KLHL1: variants seen among roughly 807,000 people sequenced by gnomAD.
KLHL1 encodes the protein kelch like family member 1, also known as kelch-like protein 1.
Under a neutral mutation model 77.7 loss-of-function variants are expected in KLHL1, and 47 were observed. The ratio of observed to expected loss-of-function variants is 0.60; its 90% confidence interval spans 0.48 to 0.77. The LOEUF is 0.77. Ranked by LOEUF, KLHL1 falls within the 30% of genes least tolerant of loss-of-function variation. The probability of loss-of-function intolerance (pLI) is 0.00; values close to 1 mark genes in which losing one functional copy is unlikely to be tolerated. For missense variants in KLHL1, 925 were observed against 910.8 expected, an observed-to-expected ratio of 1.02 and a Z score of -0.20; for synonymous variants, 360 against 325.2, an observed-to-expected ratio of 1.11 and a Z score of -1.15.
At chr13:69,946,560 T>C (rs1883531644) in intron 3 of KLHL1, among the ~76,000 whole-genome samples, 1 of 152,162 alleles carries the variant, frequency 6.6e-6, no homozygotes, top group South Asian at 2.1e-4. Flanking sequence ...TCATCTGGGC[T>C]GAAGGGCAGT....
intron 6 of KLHL1, among the ~76,000 whole-genome samples, chr13:69,798,716 T>C (rs1459681228): frequency 6.6e-6 from 1 of 152,174 alleles, no homozygotes; most frequent in East Asian, 1.9e-4. Context: ...CAAAGTCATC[T>C]GGATTCTCAA....
At chr13:69,744,845 G>T (rs1874139298) in intron 7 of KLHL1, among the ~76,000 whole-genome samples, 1 of 151,990 alleles carries the variant, frequency 6.6e-6, no homozygotes, top group African/African-American at 2.4e-5. Context: ...TACAGTGTAT[G>T]ATTATGCCAC....
chr13:69,989,543 C>T (rs1328608034), intron 1 of KLHL1, among the ~76,000 whole-genome samples: 44 of 152,074 alleles, frequency 2.9e-4, no homozygotes, highest in Non-Finnish European at 4.4e-5. Flanking sequence ...CTATAAATTG[C>T]TTTGGGCAGT....
chr13:69,730,788 C>A (rs1029962578), intron 8 of KLHL1, among the ~76,000 whole-genome samples: 2 of 151,990 alleles, frequency 1.3e-5, no homozygotes, highest in Non-Finnish European at 2.9e-5. Flanking sequence ...CTACGTTGCC[C>A]AGGCTGGTCT....
At chr13:70,076,527 A>G (rs1435899437) in intron 1 of KLHL1, among the ~76,000 whole-genome samples, 1 of 151,856 alleles carries the variant, frequency 6.6e-6, no homozygotes, top group Non-Finnish European at 1.5e-5. Flanking sequence ...TTAGCAAACA[A>G]TATAGGAGAA....
At position 69,773,533 on chromosome 13, in the gene KLHL1, A is replaced by G. The variant is rs143099834; in HGVS notation, c.1639+23205T>C. Among the ~76,000 whole-genome samples the G allele has an allele frequency of 2.6e-5, 4 of 152,166 alleles. No homozygotes were observed. The East Asian group carries it at 7.7e-4, about 29-fold the overall frequency. On this transcript the variant is annotated intron_variant, in intron 7 of 10. Transcript: ENST00000377844. ...CAGTAATAAATGGTAATAAGAGAAC[A>G]TGTAGAATTGCTAATCTAAATATAT...
intron 1 of KLHL1, among the ~76,000 whole-genome samples, chr13:70,085,120 T>C (rs1887501788): frequency 6.6e-6 from 1 of 152,126 alleles, no homozygotes; most frequent in African/African-American, 2.4e-5. Flanking sequence ...TATGGATATA[T>C]GTATGTGCAT....
intron 1 of KLHL1, among the ~76,000 whole-genome samples, chr13:70,049,321 T>A (rs1299921181): frequency 1.3e-5 from 2 of 152,194 alleles, no homozygotes; most frequent in African/African-American, 4.8e-5. Flanking sequence ...AAATAATTAA[T>A]TAGTTCCTGA....
At chr13:69,991,729 T>C (rs1885034290) in intron 1 of KLHL1, among the ~76,000 whole-genome samples, 1 of 150,564 alleles carries the variant, frequency 6.6e-6, no homozygotes, top group African/African-American at 2.4e-5. Flanking sequence ...CTACCAGAAG[T>C]GCAAAGAGGA....
chr13:69,796,839 C>A lies in KLHL1; in HGVS notation c.1538G>T (p.Gly513Val). The change falls in exon 7 of 11, where the codon GGT (glycine) becomes GTT (valine). Residue 513 changes from glycine (G) to valine (V), a missense_variant. Physicochemically the swap from Gly to Val is moderately radical, Grantham distance 109 (BLOSUM62 -3). Coordinates refer to ENST00000377844, the MANE Select transcript of KLHL1 (RefSeq NM_020866.3). ...GTTCAATGTCTTTAAGCCATCTCGA[C>A]CTCCAATTACAAAGAGTTTGTCATC... ...VIDDKLFVIG[G>V]RDGLKTLNTV... 6.2e-7 allele frequency: 1 copy of A among 1,614,116 alleles called. No individual in the cohort carries two copies. Among genetic ancestry groups the A allele is most frequent in the Non-Finnish European group, 8.5e-7 (1 of 1,180,012 alleles).
At chr13:69,854,012 C>T (rs1398688665) in intron 5 of KLHL1, among the ~76,000 whole-genome samples, 7 of 151,940 alleles carry the variant, frequency 4.6e-5, no homozygotes, top group Non-Finnish European at 8.8e-5. Context: ...GAAATTACTT[C>T]CTATCCCAAG....
At chr13:69,901,511 A>C (rs1881857964) in intron 4 of KLHL1, among the ~76,000 whole-genome samples, 1 of 152,212 alleles carries the variant, frequency 6.6e-6, no homozygotes, top group African/African-American at 2.4e-5. Context: ...GGTCAGGGAT[A>C]GACAGATGAC....
chr13:70,073,264 T>C (rs1287103120), intron 1 of KLHL1, among the ~76,000 whole-genome samples: 1 of 152,042 alleles, frequency 6.6e-6, no homozygotes, highest in Non-Finnish European at 1.5e-5. Context: ...TGTAGGGACA[T>C]GGATGAAACT....
intron 1 of KLHL1, among the ~76,000 whole-genome samples, chr13:70,015,317 A>G (rs139857946): frequency 1.3e-5 from 2 of 152,292 alleles, no homozygotes; most frequent in Non-Finnish European, 2.9e-5. Flanking sequence ...TACTGTGGGC[A>G]ATTTTAATAT....
chr13:69,961,745 T>G (rs1884070784), intron 2 of KLHL1, among the ~76,000 whole-genome samples: 2 of 152,094 alleles, frequency 1.3e-5, no homozygotes, highest in Middle Eastern at 3.4e-3. Flanking sequence ...GACCCACCTT[T>G]CACCATGCTA....
chr13:70,001,313 C>T (rs1885281859), intron 1 of KLHL1, among the ~76,000 whole-genome samples: 2 of 150,828 alleles, frequency 1.3e-5, no homozygotes, highest in African/African-American at 4.8e-5. Flanking sequence ...ACGAATTCTG[C>T]AAACATTTAA....
In KLHL1 at chr13:69,882,117, C is replaced by T. The variant is rs142894988; in HGVS notation, c.1227+166G>A. Among the ~76,000 whole-genome samples the T allele has an allele frequency of 2.1e-3, 316 of 152,232 alleles. 1 individual carries two copies. Among genetic ancestry groups the T allele is most frequent in the Middle Eastern group, 6.8e-3 (2 of 294 alleles). On this transcript the variant is annotated intron_variant, in intron 5 of 10. Coordinates refer to ENST00000377844, the MANE Select transcript of KLHL1 (RefSeq NM_020866.3). ...CAGAGATAGGATTTAGATCCACGAT[C>T]CATCATCATACATCATTTTCCACCA...
At chr13:69,711,824 C>G (rs1875889312) in intron 9 of KLHL1, among the ~76,000 whole-genome samples, 1 of 152,090 alleles carries the variant, frequency 6.6e-6, no homozygotes, top group South Asian at 2.1e-4. Flanking sequence ...CCACTCCTAC[C>G]ATCAGTGTAA....
intron 5 of KLHL1, among the ~76,000 whole-genome samples, chr13:69,841,158 CT>C (rs56347326): frequency 0.08 from 12,204 of 151,684 alleles, 925 homozygotes; most frequent in African/African-American, 0.2. Flanking sequence ...AATCTTTAAA[CT>C]TTTTCCCCTT....
Sources: allele counts gnomAD v4.1 joint callset (sites outside exome capture counted in the v4.1 genomes callset), GRCh38; gene constraint gnomAD v4.1.1; transcripts MANE v1.5; gene names NCBI Gene and HGNC (gene_info 2026-07-23, HGNC 2026-07-21).